Variants in CNTN4 observed in about 807,000 individuals in gnomAD.
CNTN4 encodes contactin 4, also known as contactin-4.
In CNTN4, 77 loss-of-function variants were observed where a neutral mutation model predicts 122.5. The ratio of observed to expected loss-of-function variants is 0.63; its 90% confidence interval spans 0.52 to 0.76. CNTN4 has a LOEUF of 0.76. Among genes scored for constraint, CNTN4 ranks in the 30% least tolerant of loss-of-function variants. CNTN4 has a pLI of 0.00. For synonymous variants in CNTN4, 512 were observed against 447.0 expected, an observed-to-expected ratio of 1.15 and a Z score of -1.83; for missense variants, 1,256 against 1,259.1, an observed-to-expected ratio of 1.00 and a Z score of 0.04.
chr3:2,680,038 A>G (rs2085081429), intron 4 of CNTN4, among the ~76,000 whole-genome samples: 1 of 152,230 alleles, frequency 6.6e-6, no homozygotes, highest in Non-Finnish European at 1.5e-5. Context: ...AAAGTATTAA[A>G]TGTTCATTAC....
At chr3:2,718,975 C>A (rs1378920511) in intron 4 of CNTN4, among the ~76,000 whole-genome samples, 1 of 152,094 alleles carries the variant, frequency 6.6e-6, no homozygotes, top group Non-Finnish European at 1.5e-5. Context: ...TTAACTCCCC[C>A]CATCTACTTA....
rs1056051965 is a variant in CNTN4 at position 2,269,780 on chromosome 3, G to A, written c.-144-69398G>A. Among the ~76,000 whole-genome samples the A allele has an allele frequency of 8.5e-5, 13 of 152,188 alleles. No individual in the cohort carries two copies. The East Asian group carries it at 1.9e-3, about 23-fold the overall frequency. On this transcript the variant is annotated intron_variant, in intron 2 of 24. Transcript: ENST00000418658. ...GTCTCTACCCTTATTTATAAAAAACGATGAAATGAAACTCAGTAGTTCATT... is the reference window on the plus strand; with the variant it reads ...GTCTCTACCCTTATTTATAAAAAACAATGAAATGAAACTCAGTAGTTCATT...
intron 3 of CNTN4, among the ~76,000 whole-genome samples, chr3:2,396,376 A>G (rs181911300): frequency 3.9e-5 from 6 of 152,272 alleles, no homozygotes; most frequent in South Asian, 2.1e-4. Context: ...GATTGGACCT[A>G]TAATGTCTTC....
At chr3:2,519,667 C>G (rs149658267) in intron 3 of CNTN4, among the ~76,000 whole-genome samples, 7 of 152,168 alleles carry the variant, frequency 4.6e-5, no homozygotes, top group Non-Finnish European at 8.8e-5. Flanking sequence ...CTGTAAAGAA[C>G]GGTGCATCAG....
chr3:2,230,222 G>A (rs139444017), intron 2 of CNTN4, among the ~76,000 whole-genome samples: 2 of 152,192 alleles, frequency 1.3e-5, no homozygotes, highest in African/African-American at 4.8e-5. Context: ...GGTTGCCAAC[G>A]ATCAGGTTTT....
rs371845920 is a variant in CNTN4 at position 2,332,176 on chromosome 3, T to C, written c.-144-7002T>C. On this transcript the variant is annotated intron_variant, in intron 2 of 24. Transcript: ENST00000418658. ...CTTTAGATTTCAGGATAGTAACTTA[T>C]GGGCCACAATGCCAACTACAGCTCC... 1.3e-4 allele frequency among the ~76,000 whole-genome samples: 20 copies of C among 152,316 alleles called. No homozygotes were observed. The East Asian group carries it at 2.9e-3, about 22-fold the overall frequency.
intron 3 of CNTN4, among the ~76,000 whole-genome samples, chr3:2,450,247 G>T (rs749354772): frequency 6.6e-6 from 1 of 151,902 alleles, no homozygotes; most frequent in African/African-American, 2.4e-5. Context: ...CATACCTGTA[G>T]TCCCAGCTAC....
chr3:2,496,487 G>A (rs1428013344), intron 3 of CNTN4, among the ~76,000 whole-genome samples: 1 of 152,124 alleles, frequency 6.6e-6, no homozygotes, highest in East Asian at 1.9e-4. Flanking sequence ...ACATAGATTT[G>A]TTGACCAGTA....
chr3:2,207,491 A>G (rs59200978), intron 2 of CNTN4, among the ~76,000 whole-genome samples: 63 of 152,260 alleles, frequency 4.1e-4, no homozygotes, highest in African/African-American at 1.5e-3. Context: ...GATGAGATGG[A>G]GAAAGTTTCA....
At chr3:2,253,126 A>G (rs948733207) in intron 2 of CNTN4, among the ~76,000 whole-genome samples, 1 of 143,132 alleles carries the variant, frequency 7.0e-6, no homozygotes, top group Admixed American at 7.0e-5. Flanking sequence ...TTTTTTTTCA[A>G]TTGAATTGAA....
Position 3,002,657 on chromosome 3 carries a change from A to G in CNTN4, c.1486+14185A>G, listed in dbSNP as rs1255236530. Among the ~76,000 whole-genome samples the G allele has an allele frequency of 2.0e-5, 3 of 152,170 alleles. No individual in the cohort carries two copies. In the East Asian group the frequency reaches 5.8e-4, roughly 29 times the overall value. ...TCACCTGTAAAATGAAGAGCCTTTAATCGAGAAAATGAAGTCCCCTTCTAA... is the reference window on the plus strand; with the variant it reads ...TCACCTGTAAAATGAAGAGCCTTTAGTCGAGAAAATGAAGTCCCCTTCTAA... On this transcript the variant is annotated intron_variant, in intron 14 of 24. Coordinates refer to ENST00000418658, the MANE Select transcript of CNTN4 (RefSeq NM_175607.3).
chr3:2,413,759 T>A (rs2047313413), intron 3 of CNTN4, among the ~76,000 whole-genome samples: 1 of 152,080 alleles, frequency 6.6e-6, no homozygotes, highest in Non-Finnish European at 1.5e-5. Flanking sequence ...GGCCAGGCTT[T>A]GGAACTCCTG....
At chr3:2,430,753 C>T (rs1237415521) in intron 3 of CNTN4, among the ~76,000 whole-genome samples, 1 of 151,810 alleles carries the variant, frequency 6.6e-6, no homozygotes, top group Non-Finnish European at 1.5e-5. Context: ...CTAAGTATAC[C>T]TATATTATTC....
At chr3:2,356,528 C>G (rs1388141265) in intron 3 of CNTN4, among the ~76,000 whole-genome samples, 1 of 152,138 alleles carries the variant, frequency 6.6e-6, no homozygotes, top group African/African-American at 2.4e-5. Flanking sequence ...TGAGGACAAC[C>G]AGAGGTCACT....
chr3:2,329,733 G>A (rs1416431653), intron 2 of CNTN4, among the ~76,000 whole-genome samples: 1 of 99,222 alleles, frequency 1.0e-5, no homozygotes. Flanking sequence ...CCTTATTGAG[G>A]CATTTTTTTT....
rs531527763 is a variant in CNTN4 at position 2,503,450 on chromosome 3, G to C, written c.-88-67966G>C. Among the ~76,000 whole-genome samples the C allele has an allele frequency of 3.3e-5, 5 of 152,224 alleles. No homozygotes were observed. In the South Asian group the frequency reaches 1.0e-3, roughly 32 times the overall value. ...ATCTTTATTATAGCTATCATTCATT[G>C]AGTGCTTAGTGTGCCAGGCGTCTTT... On this transcript the variant is annotated intron_variant, in intron 3 of 24. Transcript: ENST00000418658.
intron 2 of CNTN4, among the ~76,000 whole-genome samples, chr3:2,218,820 G>C (rs908762205): frequency 1.4e-4 from 22 of 152,114 alleles, no homozygotes; most frequent in Admixed American, 1.1e-3. Flanking sequence ...ATCACGATAG[G>C]AGTGGTTTAT....
chr3:2,839,358 G>T (rs962628331), intron 7 of CNTN4, among the ~76,000 whole-genome samples: 3 of 151,736 alleles, frequency 2.0e-5, no homozygotes, highest in Non-Finnish European at 4.4e-5. Flanking sequence ...AGCGGGGGCA[G>T]GAAAGAGAAA....
chr3:2,895,894 G>A lies in CNTN4; in HGVS notation c.941-4791G>A, dbSNP rs561004002. Among the ~76,000 whole-genome samples the A allele has an allele frequency of 9.9e-5, 15 of 152,112 alleles. No individual in the cohort carries two copies. The East Asian group carries it at 1.9e-3, about 20-fold the overall frequency. On this transcript the variant is annotated intron_variant, in intron 10 of 24. Transcript: ENST00000418658. ...CTAAAAATACAAAAATTAGCCGAGCGTGGTGGCGGGCGCCTGTGGTCCCAG... is the reference window on the plus strand; with the variant it reads ...CTAAAAATACAAAAATTAGCCGAGCATGGTGGCGGGCGCCTGTGGTCCCAG...
Sources: allele counts gnomAD v4.1 joint callset (sites outside exome capture counted in the v4.1 genomes callset), GRCh38; gene constraint gnomAD v4.1.1; transcripts MANE v1.5; gene names NCBI Gene and HGNC (gene_info 2026-07-23, HGNC 2026-07-21).